DCC: variants seen among roughly 807,000 people sequenced by gnomAD.
DCC encodes the protein DCC netrin 1 receptor.
In DCC, 58 loss-of-function variants were observed where a neutral mutation model predicts 172.5. That is an observed-to-expected ratio of 0.34 (90% CI 0.27 to 0.42). The LOEUF (loss-of-function observed/expected upper bound fraction) is 0.42, where lower values mean the gene tolerates loss of function less well. DCC is among the 10% of genes least tolerant of loss of function. The pLI, the probability that DCC is intolerant of heterozygous loss-of-function variation, is 1.00. For missense variants in DCC, 1,740 were observed against 1,791.0 expected, an observed-to-expected ratio of 0.97 and a Z score of 0.51; for synonymous variants, 709 against 644.5, an observed-to-expected ratio of 1.10 and a Z score of -1.52.
chr18:52,829,895 G>C (rs2038582435), intron 2 of DCC, among the ~76,000 whole-genome samples: 2 of 152,240 alleles, frequency 1.3e-5, no homozygotes, highest in Non-Finnish European at 2.9e-5. Flanking sequence ...AAATGAGTGG[G>C]AGGGATCTGC....
intron 7 of DCC, among the ~76,000 whole-genome samples, chr18:53,067,747 G>C (rs2042593874): frequency 1.3e-5 from 2 of 152,158 alleles, no homozygotes; most frequent in African/African-American, 4.8e-5. Context: ...TATCTATCAT[G>C]TTACATACAT....
intron 12 of DCC, among the ~76,000 whole-genome samples, chr18:53,245,610 G>C (rs1238722651): frequency 6.6e-6 from 1 of 152,028 alleles, no homozygotes; most frequent in African/African-American, 2.4e-5. Flanking sequence ...TCAGGCCCTA[G>C]GAGTATAATG....
chr18:52,869,321 A>G lies in DCC; in HGVS notation c.413-36723A>G, dbSNP rs147627792. Among the ~76,000 whole-genome samples the G allele has an allele frequency of 5.4e-4, 82 of 152,314 alleles. 1 individual carries two copies. Among genetic ancestry groups the G allele is most frequent in the African/African-American group, 1.9e-3 (79 of 41,568 alleles). ...CTCTTTGTAGCCAGGGTGTCCTGAT[A>G]ACTCTCAGCAGAGAGGGTAGCTCCT... On this transcript the variant is annotated intron_variant, in intron 2 of 28. Coordinates refer to ENST00000442544, the MANE Select transcript of DCC (RefSeq NM_005215.4).
At chr18:53,491,542 A>G (rs1400884351) in intron 26 of DCC, among the ~76,000 whole-genome samples, 1 of 151,826 alleles carries the variant, frequency 6.6e-6, no homozygotes, top group Non-Finnish European at 1.5e-5. Context: ...CTTGGTGTAC[A>G]TGTGTCCTCA....
chr18:52,714,946 G>A (rs2036354096), intron 1 of DCC, among the ~76,000 whole-genome samples: 1 of 152,188 alleles, frequency 6.6e-6, no homozygotes, highest in Non-Finnish European at 1.5e-5. Context: ...CAAGGAGTAT[G>A]TATCTTATCC....
At chr18:52,625,138 G>T (rs897313056) in intron 1 of DCC, among the ~76,000 whole-genome samples, 2 of 152,024 alleles carry the variant, frequency 1.3e-5, no homozygotes, top group Admixed American at 6.6e-5. Context: ...CATAGAAAAG[G>T]TACTGTAAAA....
intron 2 of DCC, among the ~76,000 whole-genome samples, chr18:52,861,408 G>A (rs945778389): frequency 1.3e-5 from 2 of 152,162 alleles, no homozygotes; most frequent in Non-Finnish European, 1.5e-5. Context: ...AAAATAACTA[G>A]TACCCACAAG....
At chr18:52,688,852 A>G (rs372525649) in intron 1 of DCC, among the ~76,000 whole-genome samples, 2 of 152,158 alleles carry the variant, frequency 1.3e-5, no homozygotes, top group East Asian at 3.9e-4. Context: ...ATAAAAAGAT[A>G]TGGATATTTA....
intron 10 of DCC, among the ~76,000 whole-genome samples, chr18:53,206,516 A>ATG (rs1158598466): frequency 7.1e-6 from 1 of 140,670 alleles, no homozygotes; most frequent in African/African-American, 2.7e-5. Flanking sequence ...CTATGTATAT[A>ATG]CATGTATTAT....
chr18:53,462,956 C>G (rs1243904362), intron 24 of DCC, among the ~76,000 whole-genome samples: 1 of 152,258 alleles, frequency 6.6e-6, no homozygotes, highest in Non-Finnish European at 1.5e-5. Flanking sequence ...CAACCTTGCT[C>G]TCTTCAATTA....
At chr18:52,672,634 T>G (rs2035574078) in intron 1 of DCC, among the ~76,000 whole-genome samples, 1 of 151,306 alleles carries the variant, frequency 6.6e-6, no homozygotes, top group Non-Finnish European at 1.5e-5. Flanking sequence ...CCTCCTTCCC[T>G]CTTTCCTCTT....
At chr18:52,512,892 G>A (rs1168879500) in intron 1 of DCC, among the ~76,000 whole-genome samples, 2 of 152,128 alleles carry the variant, frequency 1.3e-5, no homozygotes, top group African/African-American at 2.4e-5. Flanking sequence ...AAACCCTGAA[G>A]CAGAATGTTT....
chr18:53,051,774 T>TTATA (rs1491282122), intron 5 of DCC, among the ~76,000 whole-genome samples: 1 of 152,130 alleles, frequency 6.6e-6, no homozygotes, highest in African/African-American at 2.4e-5. Flanking sequence ...ATCTTATATC[T>TTATA]TATATATCTT....
chr18:52,468,419 G>C (rs183438882), intron 1 of DCC, among the ~76,000 whole-genome samples: 2 of 152,216 alleles, frequency 1.3e-5, no homozygotes, highest in South Asian at 2.1e-4. Context: ...AATTTTGCAG[G>C]GCTCTTTGGA....
chr18:52,776,427 A>G (rs1224864147), intron 2 of DCC, among the ~76,000 whole-genome samples: 1 of 152,188 alleles, frequency 6.6e-6, no homozygotes, highest in Non-Finnish European at 1.5e-5. Context: ...GAATACAGGA[A>G]GTCTATAAGA....
At chr18:52,666,952 G>A (rs929668463) in intron 1 of DCC, among the ~76,000 whole-genome samples, 3 of 152,234 alleles carry the variant, frequency 2.0e-5, no homozygotes, top group East Asian at 1.9e-4. Context: ...CTGTATATGT[G>A]TTTGTTGGTA....
At chr18:53,138,427 T>C (rs1258978175) in intron 7 of DCC, among the ~76,000 whole-genome samples, 1 of 152,208 alleles carries the variant, frequency 6.6e-6, no homozygotes, top group Non-Finnish European at 1.5e-5. Context: ...AAAAACATAA[T>C]ATAAAATAAC....
At chr18:53,529,034 TCTCTCACACACACACACACA>T (rs1227581768) in intron 28 of DCC, among the ~76,000 whole-genome samples, 4 of 64,380 alleles carry the variant, frequency 6.2e-5, no homozygotes, top group African/African-American at 2.1e-4. Flanking sequence ...TCTCTCTCTC[TCTCTCACACACACACACACA>T]CACACACACA....
intron 12 of DCC, among the ~76,000 whole-genome samples, chr18:53,231,252 C>T (rs72923285): frequency 0.032 from 4,895 of 152,084 alleles, 112 homozygotes; most frequent in Non-Finnish European, 0.051. Context: ...ACATCAGATT[C>T]GGTTCAAACT....
Sources: allele counts gnomAD v4.1 joint callset (sites outside exome capture counted in the v4.1 genomes callset), GRCh38; gene constraint gnomAD v4.1.1; transcripts MANE v1.5; gene names NCBI Gene and HGNC (gene_info 2026-07-23, HGNC 2026-07-21).